INKA2: variants seen among roughly 807,000 people sequenced by gnomAD.
INKA2 encodes inka box actin regulator 2.
INKA2 carries 3 observed loss-of-function variants against 9.8 expected under a neutral mutation model. That is an observed-to-expected ratio of 0.31 (90% CI 0.14 to 0.79). The LOEUF (loss-of-function observed/expected upper bound fraction) is 0.79, where lower values mean the gene tolerates loss of function less well. INKA2 is among the 30% of genes least tolerant of loss of function. INKA2 has a pLI of 0.62. For missense variants in INKA2, 392 were observed against 384.4 expected (o/e 1.02, Z -0.17); for synonymous variants, 147 against 143.3 (o/e 1.03, Z -0.18).
chr1:111,727,829 G>T (rs762285549), intron 1 of INKA2, 25 bp from the exon 2 acceptor site: 41 of 1,597,304 alleles, frequency 2.6e-5, no homozygotes, highest in Non-Finnish European at 3.5e-5. Flanking sequence ...GAAAGCATGG[G>T]GCCTATGAGC....
At position 111,726,585 on chromosome 1, in the gene INKA2, T is replaced by C; in HGVS notation, c.*383A>G. 4.4e-6 allele frequency: 1 copy of C among 225,390 alleles called. No homozygotes were observed. Among genetic ancestry groups the C allele is most frequent in the East Asian group, 1.1e-4 (1 of 8,896 alleles). The allele number at this position is 225,390 out of a possible 1,614,324, so 14.0% of individuals were successfully genotyped here. On this transcript the variant is annotated 3_prime_UTR_variant, in exon 2 of 2. Coordinates refer to ENST00000357260, the MANE Select transcript of INKA2 (RefSeq NM_019099.5). ...CTCCAGGGCTCTTTTCCATACAGAA[T>C]GTTCAACGGAGGTCTTTGGGGGCAG...
intron 1 of INKA2, among the ~76,000 whole-genome samples, chr1:111,744,980 T>G (rs909750802): frequency 2.0e-5 from 3 of 151,918 alleles, no homozygotes; most frequent in African/African-American, 7.3e-5. Context: ...GAAGAAGAAA[T>G]AGCAATATGG....
In INKA2 at chr1:111,722,895, T is replaced by C. The variant is rs1377902242; in HGVS notation, c.*4073A>G. The stretch of plus-strand genomic sequence containing the variant: ...ATGGGTTGTCCAGTATCTGCTGAGC[T>C]TCTGCTGTATTCCAGGCAGTGCTTG... On this transcript the variant is annotated 3_prime_UTR_variant, in exon 2 of 2. Transcript: ENST00000357260. 3.6e-6 allele frequency: 2 copies of C among 560,546 alleles called. No homozygotes were observed. The allele number at this position is 560,546 out of a possible 1,614,324, so 34.7% of individuals were successfully genotyped here.
At chr1:111,745,293 A>ATATATATATATATTTTT (rs1358304932) in intron 1 of INKA2, 2 of 49,268 alleles carry the variant, frequency 4.1e-5, no homozygotes, top group Admixed American at 3.6e-4. Context: ...ATATATATAT[A>ATATATATATATATTTTT]TTTTTTTTTT....
intron 1 of INKA2, among the ~76,000 whole-genome samples, chr1:111,731,080 G>T (rs1473070599): frequency 1.3e-5 from 2 of 152,198 alleles, no homozygotes; most frequent in African/African-American, 2.4e-5. Context: ...ATCTCTTCCA[G>T]TGTGGAAAAA....
chr1:111,755,613 G>C (rs1430448097), intron 1 of INKA2: 24 of 1,527,302 alleles, frequency 1.6e-5, no homozygotes, highest in African/African-American at 2.8e-5. Flanking sequence ...ACGGCTGGGC[G>C]GCTCCGCCCA....
At position 111,726,881 on chromosome 1, in the gene INKA2, G is replaced by T; in HGVS notation, c.*87C>A. 1 of 1,337,936 alleles carries T rather than the reference G, an allele frequency of 7.5e-7. No homozygotes were observed. Among genetic ancestry groups the T allele is most frequent in the Non-Finnish European group, 1.0e-6 (1 of 967,202 alleles). The allele number at this position is 1,337,936 out of a possible 1,614,324, so 82.9% of individuals were successfully genotyped here. A position where few individuals can be genotyped will look rare whatever the true frequency, so the allele number is the denominator to read the frequency against. On this transcript the variant is annotated 3_prime_UTR_variant, in exon 2 of 2. Coordinates refer to ENST00000357260, the MANE Select transcript of INKA2 (RefSeq NM_019099.5). ...GGAACTTGGAGTTGGGCTTTCGAGA[G>T]CCATACCGCCCACCCTCCCTCCTCC...
chr1:111,726,495 C>G lies in INKA2; in HGVS notation c.*473G>C, dbSNP rs1662773281. 1 of 192,052 alleles carries G rather than the reference C, an allele frequency of 5.2e-6. No homozygotes were observed. The highest frequency in any genetic ancestry group is 1.1e-5 in the Non-Finnish European group (1 of 94,688). The allele number at this position is 192,052 out of a possible 1,614,324, so 11.9% of individuals were successfully genotyped here. A position where few individuals can be genotyped will look rare whatever the true frequency, so the allele number is the denominator to read the frequency against. On this transcript the variant is annotated 3_prime_UTR_variant, in exon 2 of 2. Transcript: ENST00000357260. Reference sequence around the variant, plus strand: ...CTGGAGCAATGTCTTGCCAAAGAAGCTGACAGAAGGTTGGGAGAGCCATAG... The same window carrying G: ...CTGGAGCAATGTCTTGCCAAAGAAGGTGACAGAAGGTTGGGAGAGCCATAG...
chr1:111,726,854 A>C lies in INKA2; in HGVS notation c.*114T>G. 9.3e-7 allele frequency: 1 copy of C among 1,079,900 alleles called. No homozygotes were observed. Among genetic ancestry groups the C allele is most frequent in the Non-Finnish European group, 1.4e-6 (1 of 739,054 alleles). 66.9% of individuals were successfully genotyped at this position (1,079,900 alleles called of 1,614,324 possible). The stretch of plus-strand genomic sequence containing the variant: ...TGGCTTCTCCCCGCTTTCTGGGGGA[A>C]AGGAACTTGGAGTTGGGCTTTCGAG... On this transcript the variant is annotated 3_prime_UTR_variant, in exon 2 of 2. Transcript: ENST00000357260.
intron 1 of INKA2, among the ~76,000 whole-genome samples, chr1:111,729,034 C>T (rs1178946797): frequency 6.6e-6 from 1 of 152,018 alleles, no homozygotes; most frequent in Non-Finnish European, 1.5e-5. Context: ...TGGCCTTAGC[C>T]TCCTGAGTAG....
upstream of INKA2, among the ~76,000 whole-genome samples, chr1:111,741,420 T>C (rs544691392): frequency 2.6e-5 from 4 of 152,354 alleles, no homozygotes; most frequent in African/African-American, 9.6e-5. Flanking sequence ...GCAGAAATTC[T>C]CCAAGAGATC....
chr1:111,725,349 T>A lies in INKA2; in HGVS notation c.*1619A>T, dbSNP rs917467141. 5 of 152,104 alleles carry A rather than the reference T, an allele frequency of 3.3e-5. No individual in the cohort carries two copies. Among genetic ancestry groups the A allele is most frequent in the Non-Finnish European group, 5.9e-5 (4 of 68,032 alleles). 9.4% of individuals were successfully genotyped at this position (152,104 alleles called of 1,614,324 possible). ...GGTCAGCCCAAAAGAAGATCCACAT[T>A]GTCTTTTCCCAGCCAGTGAGTGTTC... On this transcript the variant is annotated 3_prime_UTR_variant, in exon 2 of 2. Transcript: ENST00000357260.
At chr1:111,738,467 C>A (rs990555488) in intron 1 of INKA2, among the ~76,000 whole-genome samples, 2 of 152,102 alleles carry the variant, frequency 1.3e-5, no homozygotes, top group Admixed American at 1.3e-4. Context: ...CTGCGCACTC[C>A]CCAAGCCCAG....
chr1:111,746,123 T>C (rs1231225721), intron 1 of INKA2: 1 of 152,200 alleles, frequency 6.6e-6, no homozygotes, highest in Non-Finnish European at 1.5e-5. Context: ...CATTTCAGCC[T>C]GGACACCCTG....
exon 1 of INKA2, chr1:111,755,732 G>C (rs1036177706): frequency 6.2e-6 from 10 of 1,613,794 alleles, no homozygotes; most frequent in East Asian, 2.2e-5. Context: ...CCTCCCTCTT[G>C]GGGCTTTCCT....
At chr1:111,754,806 A>G (rs1294361793) in intron 1 of INKA2, 1 of 152,228 alleles carries the variant, frequency 6.6e-6, no homozygotes, top group Non-Finnish European at 1.5e-5. Context: ...AGGGATGCAG[A>G]GGAGAACAAG....
chr1:111,725,102 C>G lies in INKA2; in HGVS notation c.*1866G>C, dbSNP rs904571843. On this transcript the variant is annotated 3_prime_UTR_variant, in exon 2 of 2. Coordinates refer to ENST00000357260, the MANE Select transcript of INKA2 (RefSeq NM_019099.5). ...ACCCTAACCACCGCGGCTGCGCCCC[C>G]ATAATCCCATCTTGAGCTCTGCCCC... The G allele has an allele frequency of 2.0e-5, 3 of 152,250 alleles. No homozygotes were observed. The highest frequency in any genetic ancestry group is 7.2e-5 in the African/African-American group (3 of 41,436). 9.4% of individuals were successfully genotyped at this position (152,250 alleles called of 1,614,324 possible). A position where few individuals can be genotyped will look rare whatever the true frequency, so the allele number is the denominator to read the frequency against.
intron 1 of INKA2, among the ~76,000 whole-genome samples, chr1:111,735,619 C>T (rs1026368185): frequency 1.3e-5 from 2 of 152,150 alleles, no homozygotes; most frequent in African/African-American, 2.4e-5. Context: ...CTTTCCCCAG[C>T]GTTAAACATC....
intron 1 of INKA2, among the ~76,000 whole-genome samples, chr1:111,736,250 C>T (rs1381177547): frequency 6.6e-6 from 1 of 152,162 alleles, no homozygotes; most frequent in Non-Finnish European, 1.5e-5. Flanking sequence ...AAACCCGATC[C>T]CCTTCCCTTT....
Sources: gnomAD v4.1 joint callset for allele counts (sites outside exome capture counted in the v4.1 genomes callset) on GRCh38, gnomAD v4.1.1 for gene constraint, MANE v1.5 for transcripts, NCBI Gene and HGNC (gene_info 2026-07-23, HGNC 2026-07-21) for gene names.